The following GRIN2B variants were observed in gnomAD, a reference collection of about 807,000 sequenced individuals.
GRIN2B encodes glutamate ionotropic receptor NMDA type subunit 2B.
GRIN2B carries 5 observed loss-of-function variants against 114.5 expected under a neutral mutation model. The observed-to-expected ratio is 0.04, with a 90% CI of 0.02 to 0.09. The LOEUF is 0.09. GRIN2B is among the 10% of genes least tolerant of loss of function. GRIN2B has a pLI of 1.00. For synonymous variants in GRIN2B, 787 were observed against 745.1 expected (o/e 1.06, Z -0.92); for missense variants, 1,108 against 1,943.5 (o/e 0.57, Z 8.08).
chr12:13,911,234 A>C (rs1335538925), intron 2 of GRIN2B, among the ~76,000 whole-genome samples: 3 of 152,172 alleles, frequency 2.0e-5, no homozygotes, highest in African/African-American at 7.2e-5. Flanking sequence ...TGAGCCAAGC[A>C]GAATAAGATG....
At chr12:13,827,228 TC>T (rs1318410228) in intron 3 of GRIN2B, among the ~76,000 whole-genome samples, 69 of 117,820 alleles carry the variant, frequency 5.9e-4, no homozygotes, top group African/African-American at 7.8e-4. Context: ...ATTGTTGTTT[TC>T]TTTTTTTTTT....
intron 5 of GRIN2B, among the ~76,000 whole-genome samples, chr12:13,667,684 AG>A (rs1382522462): frequency 2.0e-5 from 3 of 152,198 alleles, no homozygotes; most frequent in Non-Finnish European, 4.4e-5. Flanking sequence ...TCAATATCCT[AG>A]GAAGAGAAAA....
intron 10 of GRIN2B, among the ~76,000 whole-genome samples, chr12:13,574,640 C>G (rs894231496): frequency 1.3e-5 from 2 of 152,198 alleles, no homozygotes; most frequent in Non-Finnish European, 2.9e-5. Flanking sequence ...GATGAAGCTA[C>G]ATTATAGGTA....
chr12:13,675,672 T>A, intron 5 of GRIN2B, 73 bp downstream of exon 5: 1 of 911,500 alleles, frequency 1.1e-6, no homozygotes, highest in Non-Finnish European at 1.9e-6. Flanking sequence ...AAAGGACTAC[T>A]TTCCTTCATT....
chr12:13,618,149 C>T (rs1041785195), intron 5 of GRIN2B, among the ~76,000 whole-genome samples: 10 of 152,176 alleles, frequency 6.6e-5, no homozygotes, highest in African/African-American at 2.4e-4. Context: ...TCTCATATTG[C>T]TAAGACTACT....
At chr12:13,911,883 G>T (rs1866632444) in intron 2 of GRIN2B, among the ~76,000 whole-genome samples, 1 of 152,184 alleles carries the variant, frequency 6.6e-6, no homozygotes, top group Admixed American at 6.5e-5. Context: ...CATTTAGCAA[G>T]AAAACGGCAG....
chr12:13,802,329 C>T (rs186273767), intron 3 of GRIN2B, among the ~76,000 whole-genome samples: 43 of 151,884 alleles, frequency 2.8e-4, no homozygotes, highest in Admixed American at 3.9e-4. Context: ...ATTGCAAAGG[C>T]GGGGGAAGTG....
At chr12:13,931,760 C>T (rs1867036092) in intron 2 of GRIN2B, among the ~76,000 whole-genome samples, 1 of 152,214 alleles carries the variant, frequency 6.6e-6, no homozygotes, top group Admixed American at 6.5e-5. Context: ...ATTTATGCAA[C>T]TGCATAGTCA....
rs371379180 is a variant in GRIN2B, at chr12:13,613,191, A to C, written c.1655-1341T>G. Among the ~76,000 whole-genome samples, 18 of 152,290 alleles carry C rather than the reference A, an allele frequency of 1.2e-4. No individual in the cohort carries two copies. The East Asian group carries it at 2.9e-3, about 24-fold the overall frequency. On this transcript the variant is annotated intron_variant, in intron 8 of 13. Transcript: ENST00000609686. ...AGAAAACCTCTGCACACTTGACTCT[A>C]ATTGATTGCAATTCTACCCTGATTT...
chr12:13,912,146 G>A (rs1362835566), intron 2 of GRIN2B, among the ~76,000 whole-genome samples: 1 of 152,064 alleles, frequency 6.6e-6, no homozygotes, highest in African/African-American at 2.4e-5. Flanking sequence ...CAGGAAGCAT[G>A]GGGCGCTCAT....
At chr12:13,881,263 T>C (rs543926594) in intron 2 of GRIN2B, among the ~76,000 whole-genome samples, 3 of 152,318 alleles carry the variant, frequency 2.0e-5, no homozygotes, top group South Asian at 2.1e-4. Flanking sequence ...CACCTGTTTC[T>C]TCCCCCATTG....
At chr12:13,680,391 AAGTTC>A (rs1231218479) in intron 4 of GRIN2B, among the ~76,000 whole-genome samples, 1 of 151,564 alleles carries the variant, frequency 6.6e-6, no homozygotes, top group East Asian at 1.9e-4. Context: ...CCAAATGCAG[AAGTTC>A]TGCCCATGAG....
chr12:13,852,990 A>G (rs908779648), intron 3 of GRIN2B, among the ~76,000 whole-genome samples: 2 of 152,104 alleles, frequency 1.3e-5, no homozygotes, highest in African/African-American at 4.8e-5. Context: ...AACAGCAACC[A>G]AAACACTTTC....
chr12:13,867,223 T>A (rs922655681), intron 2 of GRIN2B, among the ~76,000 whole-genome samples: 1 of 152,218 alleles, frequency 6.6e-6, no homozygotes, highest in Non-Finnish European at 1.5e-5. Flanking sequence ...CTAAAATGAC[T>A]GATACCGTAT....
intron 2 of GRIN2B, among the ~76,000 whole-genome samples, chr12:13,972,553 G>T (rs1862944272): frequency 6.6e-6 from 1 of 152,134 alleles, no homozygotes; most frequent in Non-Finnish European, 1.5e-5. Context: ...CTATGTAGAT[G>T]AGCAAATGCA....
In GRIN2B at chr12:13,753,596, G is replaced by A. The variant is rs1863527449; in HGVS notation, c.731C>T (p.Ala244Val). 6.2e-7 allele frequency: 1 copy of A among 1,614,148 alleles called. No homozygotes were observed. Among genetic ancestry groups the A allele is most frequent in the South Asian group, 1.1e-5 (1 of 91,072 alleles). ...KEEATYIFEV[A>V]NSVGLTGYGY... ...ATAGCCAGTCAGCCCTACTGAGTTG[G>A]CCACTTCAAAGATGTAGGTGGCTTC... The change falls in exon 4 of 14, where the codon GCC becomes GTC. Residue 244 changes from alanine to valine, a missense_variant. Ala to Val is a moderately conservative substitution (Grantham distance 64). This residue lies in a region of GRIN2B where 199 missense variants were observed against 439.6 expected (regional missense o/e 0.45). Transcript: ENST00000609686. The surrounding 1 kb of genome is among the most constrained non-coding windows in gnomAD (Gnocchi z 6.2).
At chr12:13,687,457 C>T (rs1161350275) in intron 4 of GRIN2B, among the ~76,000 whole-genome samples, 1 of 152,160 alleles carries the variant, frequency 6.6e-6, no homozygotes, top group East Asian at 1.9e-4. Flanking sequence ...CCCATATTGT[C>T]TCCCTCTGAG....
At chr12:13,738,329 C>G (rs919900060) in intron 4 of GRIN2B, among the ~76,000 whole-genome samples, 22 of 152,200 alleles carry the variant, frequency 1.4e-4, no homozygotes, top group African/African-American at 4.3e-4. Flanking sequence ...CTCATCAAGG[C>G]CAGCCGACAC....
At chr12:13,952,828 T>C (rs112570840) in intron 2 of GRIN2B, among the ~76,000 whole-genome samples, 6,512 of 152,068 alleles carry the variant, frequency 0.043, 199 homozygotes, top group South Asian at 0.073. Context: ...TTAGACAGTA[T>C]ACACATATAA....
Sources: gnomAD v4.1 joint callset for allele counts (sites outside exome capture counted in the v4.1 genomes callset) on GRCh38, gnomAD v4.1.1 for gene constraint, gnomAD v4.1.1 regional missense constraint, Gnocchi (gnomAD v3.1) non-coding constraint, MANE v1.5 for transcripts, NCBI Gene and HGNC (gene_info 2026-07-23, HGNC 2026-07-21) for gene names.